Variants in NLRP11 observed in about 807,000 individuals in gnomAD.
The protein encoded by NLRP11 is NACHT, LRR and PYD domains-containing protein 11.
A neutral mutation model predicts 79.3 loss-of-function variants in NLRP11; 53 were observed. The ratio of observed to expected loss-of-function variants is 0.67; its 90% CI spans 0.54 to 0.84. The LOEUF is 0.84. Ranked by LOEUF, NLRP11 falls within the 40% of genes least tolerant of loss-of-function variation. NLRP11 has a pLI of 0.00. For synonymous variants in NLRP11, 518 were observed against 462.6 expected, an observed-to-expected ratio of 1.12 and a Z score of -1.54; for missense variants, 1,264 against 1,255.0, an observed-to-expected ratio of 1.01 and a Z score of -0.11.
At chr19:55,789,785 T>C (rs1990126385) in intron 7 of NLRP11, among the ~76,000 whole-genome samples, 4 of 152,228 alleles carry the variant, frequency 2.6e-5, no homozygotes, top group Admixed American at 2.6e-4. Context: ...TCAGTACTCA[T>C]GTCAAAATCC....
chr19:55,797,399 T>C (rs1979030504), intron 5 of NLRP11, among the ~76,000 whole-genome samples: 1 of 152,218 alleles, frequency 6.6e-6, no homozygotes, highest in Non-Finnish European at 1.5e-5. Context: ...CACTCAATAT[T>C]CTCTTCTTCA....
chr19:55,795,348 G>A (rs189222896), intron 6 of NLRP11, among the ~76,000 whole-genome samples: 12 of 152,122 alleles, frequency 7.9e-5, no homozygotes, highest in East Asian at 7.7e-4. Context: ...CTTTGCTTTC[G>A]TCTTTGTGTT....
At chr19:55,820,883 C>G (rs1474360386) in intron 1 of NLRP11, among the ~76,000 whole-genome samples, 1 of 152,050 alleles carries the variant, frequency 6.6e-6, no homozygotes, top group Non-Finnish European at 1.5e-5. Context: ...TCAGGGTGTA[C>G]AGAAGAGAGT....
chr19:55,788,021 G>A (rs1194884848), intron 9 of NLRP11, among the ~76,000 whole-genome samples: 1 of 152,204 alleles, frequency 6.6e-6, no homozygotes, highest in Non-Finnish European at 1.5e-5. Context: ...AGCTGGGATT[G>A]GAGTCCTGAC....
intron 4 of NLRP11, among the ~76,000 whole-genome samples, chr19:55,805,765 C>T (rs1224056979): frequency 2.6e-5 from 4 of 152,176 alleles, no homozygotes; most frequent in African/African-American, 9.7e-5. Flanking sequence ...GTCTCGAACT[C>T]CCAACCTCAA....
intron 2 of NLRP11, among the ~76,000 whole-genome samples, chr19:55,817,232 G>T (rs1460608475): frequency 6.6e-6 from 1 of 152,118 alleles, no homozygotes; most frequent in East Asian, 1.9e-4. Flanking sequence ...TACACTGCTG[G>T]TGGGAATGTA....
intron 2 of NLRP11, among the ~76,000 whole-genome samples, chr19:55,813,945 G>A (rs10423353): frequency 0.017 from 2,621 of 152,252 alleles, 39 homozygotes; most frequent in South Asian, 0.071. Context: ...GGTAATAAGA[G>A]ATTACAACAT....
intron 1 of NLRP11, among the ~76,000 whole-genome samples, chr19:55,819,799 T>C (rs1465825285): frequency 6.6e-6 from 1 of 152,132 alleles, no homozygotes; most frequent in Non-Finnish European, 1.5e-5. Context: ...GTGAAGCTGA[T>C]AAGATGCACC....
At chr19:55,800,454 C>A (rs139555413) in intron 5 of NLRP11, among the ~76,000 whole-genome samples, 1 of 152,114 alleles carries the variant, frequency 6.6e-6, no homozygotes, top group East Asian at 1.9e-4. Context: ...ATTACAGGCA[C>A]CTGCTACCAT....
intron 1 of NLRP11, among the ~76,000 whole-genome samples, chr19:55,823,098 C>A (rs1170858784): frequency 6.8e-5 from 10 of 147,330 alleles, no homozygotes; most frequent in Admixed American, 3.4e-4. Flanking sequence ...CAAGTGGGTC[C>A]CTGACCCCTG....
chr19:55,829,372 A>G (rs1030864767), intron 1 of NLRP11, among the ~76,000 whole-genome samples: 1 of 152,084 alleles, frequency 6.6e-6, no homozygotes, highest in Non-Finnish European at 1.5e-5. Flanking sequence ...CACTTAAAAA[A>G]TCATACTTTA....
chr19:55,790,868 T>G (rs1990195793), intron 7 of NLRP11, among the ~76,000 whole-genome samples: 1 of 152,148 alleles, frequency 6.6e-6, no homozygotes, highest in Non-Finnish European at 1.5e-5. Flanking sequence ...TAAAGGGTGA[T>G]CAATAATGTG....
At chr19:55,810,379 T>G in intron 2 of NLRP11, 41 bp from the exon 3 acceptor site, 1 of 1,536,120 alleles carries the variant, frequency 6.5e-7, no homozygotes. Flanking sequence ...AGAACAAAGA[T>G]GAAAGTTCAA....
At chr19:55,795,463 T>G (rs1422288546) in intron 6 of NLRP11, among the ~76,000 whole-genome samples, 2 of 152,162 alleles carry the variant, frequency 1.3e-5, no homozygotes, top group Admixed American at 1.3e-4. Flanking sequence ...CTAGGTGCTG[T>G]GTTTAGAATG....
chr19:55,822,405 A>C (rs557063067), intron 1 of NLRP11, among the ~76,000 whole-genome samples: 1 of 152,354 alleles, frequency 6.6e-6, no homozygotes, highest in South Asian at 2.1e-4. Flanking sequence ...GACTGCAGGG[A>C]GGAGCCAAGA....
exon 4 of NLRP11, chr19:55,807,984 C>A (rs199830972): frequency 1.2e-6 from 2 of 1,612,664 alleles, no homozygotes; most frequent in South Asian, 1.1e-5. Flanking sequence ...GAGAGCAGAT[C>A]TCTCTCCAGT....
chr19:55,791,203 A>G (rs964756207), intron 7 of NLRP11, among the ~76,000 whole-genome samples: 1 of 152,200 alleles, frequency 6.6e-6, no homozygotes, highest in Non-Finnish European at 1.5e-5. Flanking sequence ...AGCCTGTTAT[A>G]GAAAAAGGTT....
At chr19:55,804,611 G>A (rs914678525) in intron 4 of NLRP11, among the ~76,000 whole-genome samples, 3 of 152,102 alleles carry the variant, frequency 2.0e-5, no homozygotes, top group African/African-American at 7.2e-5. Flanking sequence ...TACTTGAGGG[G>A]AGGAGGGAGA....
intron 2 of NLRP11, among the ~76,000 whole-genome samples, chr19:55,812,319 T>C (rs1045079673): frequency 2.0e-5 from 3 of 152,144 alleles, no homozygotes; most frequent in Non-Finnish European, 4.4e-5. Flanking sequence ...GAATGGCAGA[T>C]GGCACACACA....
Sources: gnomAD v4.1 joint callset for allele counts (sites outside exome capture counted in the v4.1 genomes callset) on GRCh38, gnomAD v4.1.1 for gene constraint, MANE v1.5 for transcripts, NCBI Gene and HGNC (gene_info 2026-07-23, HGNC 2026-07-21) for gene names.